Variants in SCN7A observed in about 807,000 individuals in gnomAD.
SCN7A encodes the protein sodium channel protein type 7 subunit alpha.
SCN7A carries 138 observed loss-of-function variants against 155.2 expected under a neutral mutation model. That is an observed-to-expected ratio of 0.89 (90% CI 0.77 to 1.02). SCN7A has a LOEUF of 1.02. SCN7A is among the 50% of genes least tolerant of loss of function. The probability of loss-of-function intolerance (pLI) is 0.00; values close to 1 mark genes in which losing one functional copy is unlikely to be tolerated. For missense variants in SCN7A, 2,058 were observed against 1,986.6 expected (o/e 1.04, Z -0.68); for synonymous variants, 693 against 649.0 (o/e 1.07, Z -1.03).
At chr2:166,413,349 A>G (rs1701243554) in intron 21 of SCN7A, among the ~76,000 whole-genome samples, 2 of 152,084 alleles carry the variant, frequency 1.3e-5, no homozygotes, top group Admixed American at 1.3e-4. Flanking sequence ...GCATGACTAG[A>G]AAAAGATAAA....
chr2:166,441,895 G>A (rs1701970275), intron 14 of SCN7A, 143 bp from the exon 15 acceptor site: 1 of 627,320 alleles, frequency 1.6e-6, no homozygotes, highest in East Asian at 2.8e-5. Flanking sequence ...CATTCATTTT[G>A]TGACAAATTC....
intron 4 of SCN7A, 103 bp from the exon 5 acceptor site, chr2:166,473,991 C>T (rs1200207556): frequency 3.4e-6 from 2 of 585,606 alleles, no homozygotes; most frequent in Non-Finnish European, 5.8e-6. Flanking sequence ...TCTTATTGAA[C>T]AACAATGGGC....
intron 2 of SCN7A, among the ~76,000 whole-genome samples, chr2:166,486,437 G>A (rs1342973075): frequency 6.6e-6 from 1 of 152,200 alleles, no homozygotes; most frequent in Non-Finnish European, 1.5e-5. Context: ...AGATATAACA[G>A]TGTCAAATCT....
intron 3 of SCN7A, among the ~76,000 whole-genome samples, chr2:166,475,039 T>C (rs976933657): frequency 1.4e-5 from 2 of 147,006 alleles, no homozygotes; most frequent in African/African-American, 2.5e-5. Context: ...TATATATATA[T>C]ATACCTGTAA....
intron 6 of SCN7A, among the ~76,000 whole-genome samples, chr2:166,471,308 G>T (rs1702649860): frequency 6.6e-6 from 1 of 151,756 alleles, no homozygotes; most frequent in South Asian, 2.1e-4. Flanking sequence ...TGTAAAGTGG[G>T]GTTAATAATA....
intron 13 of SCN7A, 97 bp downstream of exon 13, chr2:166,444,665 G>C (rs1160309245): frequency 1.4e-6 from 1 of 706,248 alleles, no homozygotes; most frequent in Non-Finnish European, 2.4e-6. Context: ...ACATATTGGA[G>C]TTACAGAATA....
Position 166,465,904 on chromosome 2 carries a change from T to G in SCN7A, c.748A>C (p.Ile250Leu). ...AGCCCCATCCCAATTAGAGAAAATA[T>G]GCTCAGAAAAAACAGAGTTAGGATA... ...VIILTLFFLS[I>L]FSLIGMGLFM... The change falls in exon 8 of 26, where the codon ATA (isoleucine) becomes CTA (leucine). Residue 250 changes from isoleucine (I) to leucine (L), a missense_variant. Coordinates refer to ENST00000643258, the MANE Select transcript of SCN7A (RefSeq NM_002976.4). The G allele has an allele frequency of 6.2e-7, 1 of 1,613,848 alleles. No individual in the cohort carries two copies. Among genetic ancestry groups the G allele is most frequent in the Non-Finnish European group, 8.5e-7 (1 of 1,179,840 alleles).
At chr2:166,417,036 T>C in intron 20 of SCN7A, 51 bp from the exon 21 acceptor site, 2 of 1,385,800 alleles carry the variant, frequency 1.4e-6, no homozygotes, top group Middle Eastern at 1.8e-4. Context: ...GAAACTGTTT[T>C]AGTTTTTGAT....
chr2:166,434,612 T>A (rs1701799959), intron 15 of SCN7A, among the ~76,000 whole-genome samples: 1 of 152,170 alleles, frequency 6.6e-6, no homozygotes, highest in African/African-American at 2.4e-5. Context: ...TTATAGATAA[T>A]CTAGGCAGGA....
intron 25 of SCN7A, 45 bp from the exon 26 acceptor site, chr2:166,406,691 A>T (rs956690340): frequency 7.8e-7 from 1 of 1,289,950 alleles, no homozygotes; most frequent in African/African-American, 1.5e-5. Context: ...ATTCAAACAC[A>T]ATAGTATTTT....
intron 7 of SCN7A, among the ~76,000 whole-genome samples, chr2:166,468,788 G>A (rs1702591600): frequency 6.6e-6 from 1 of 151,796 alleles, no homozygotes; most frequent in South Asian, 2.1e-4. Context: ...TGACAGCCAA[G>A]TATAGAATTC....
chr2:166,445,814 T>C (rs1348889379), intron 12 of SCN7A, among the ~76,000 whole-genome samples: 1 of 152,104 alleles, frequency 6.6e-6, no homozygotes, highest in Non-Finnish European at 1.5e-5. Flanking sequence ...CTGGGAAAAC[T>C]GGCTAGCCAT....
Position 166,429,223 on chromosome 2 carries a change from A to G in SCN7A, c.2644T>C (p.Ser882Pro), listed in dbSNP as rs1484106635. 5 of 1,548,512 alleles carry G rather than the reference A, an allele frequency of 3.2e-6. No homozygotes were observed. Among genetic ancestry groups the G allele is most frequent in the Non-Finnish European group, 4.4e-6 (5 of 1,145,096 alleles). The change falls in exon 17 of 26, where the codon TCT (serine) becomes CCT (proline). Residue 882 changes from serine to proline, a missense_variant. Physicochemically the swap from Ser to Pro is moderately conservative, Grantham distance 74. Transcript: ENST00000643258. ...CCATAGAACATTTCTTCTTCTTCAG[A>G]GATAGCAATATCAACAGTACTGCAT... is the stretch of plus-strand genomic sequence containing the variant. Reference protein sequence around the residue: ...SECSTVDIAISEEEEMFYGGE... With the variant: ...SECSTVDIAIPEEEEMFYGGE...
chr2:166,460,199 C>T (rs2105472691), intron 10 of SCN7A, among the ~76,000 whole-genome samples: 1 of 152,292 alleles, frequency 6.6e-6, no homozygotes, highest in South Asian at 2.1e-4. Flanking sequence ...CACTTCCAGA[C>T]TGGTTCCCTA....
intron 14 of SCN7A, among the ~76,000 whole-genome samples, chr2:166,442,469 C>A (rs747513507): frequency 2.4e-4 from 37 of 152,056 alleles, no homozygotes; most frequent in Non-Finnish European, 4.6e-4. Context: ...CTCACTGCAG[C>A]CTCCAACTCC....
chr2:166,431,959 G>A (rs1701740338), intron 16 of SCN7A, among the ~76,000 whole-genome samples: 1 of 152,048 alleles, frequency 6.6e-6, no homozygotes, highest in East Asian at 1.9e-4. Flanking sequence ...GGTTTCCTCA[G>A]TATACTTTTC....
intron 2 of SCN7A, among the ~76,000 whole-genome samples, chr2:166,481,261 A>G (rs1702919342): frequency 2.0e-5 from 3 of 152,174 alleles, no homozygotes; most frequent in African/African-American, 7.2e-5. Flanking sequence ...TCTCAGTCAT[A>G]AAATTGGGAT....
intron 22 of SCN7A, 112 bp downstream of exon 22, chr2:166,412,956 C>G: frequency 1.1e-6 from 1 of 885,538 alleles, no homozygotes; most frequent in Non-Finnish European, 1.7e-6. Context: ...ATGAAATATC[C>G]AATCTGAACT....
chr2:166,470,737 T>A, intron 6 of SCN7A, 31 bp from the exon 7 acceptor site: 1 of 1,554,534 alleles, frequency 6.4e-7, no homozygotes, highest in Non-Finnish European at 8.7e-7. Context: ...TACTTAAAAG[T>A]CATATTACAT....
Sources: gnomAD v4.1 joint callset for allele counts (sites outside exome capture counted in the v4.1 genomes callset) on GRCh38, gnomAD v4.1.1 for gene constraint, MANE v1.5 for transcripts, NCBI Gene and HGNC (gene_info 2026-07-23, HGNC 2026-07-21) for gene names.